Variants in PSMB1 observed in about 807,000 individuals in gnomAD.
PSMB1 encodes the protein proteasome 20S subunit beta 1.
PSMB1 carries 7 observed loss-of-function variants against 25.4 expected under a neutral mutation model. The observed-to-expected ratio is 0.28, with a 90% CI of 0.16 to 0.52. The LOEUF (loss-of-function observed/expected upper bound fraction) is 0.52, where lower values mean the gene tolerates loss of function less well. Among genes scored for constraint, PSMB1 ranks in the 20% least tolerant of loss-of-function variants. PSMB1 has a pLI of 0.97. For synonymous variants in PSMB1, 119 were observed against 115.0 expected, an observed-to-expected ratio of 1.03 and a Z score of -0.22; for missense variants, 284 against 302.2, an observed-to-expected ratio of 0.94 and a Z score of 0.45.
In PSMB1 at chr6:170,553,300, G is replaced by T; in HGVS notation, c.-58C>A. Reference sequence around the variant, plus strand: ...TGTCTCACGGCGAGATGGCTGCCTTGACCGGACGTTACGCCACTTCCGGCT... The same window carrying T: ...TGTCTCACGGCGAGATGGCTGCCTTTACCGGACGTTACGCCACTTCCGGCT... On this transcript the variant is annotated 5_prime_UTR_variant, in exon 1 of 6. Coordinates refer to ENST00000262193, the MANE Select transcript of PSMB1 (RefSeq NM_002793.4). The T allele has an allele frequency of 2.3e-6, 3 of 1,326,736 alleles. No homozygotes were observed. The highest frequency in any genetic ancestry group is 1.2e-5 in the South Asian group (1 of 80,698). 82.2% of individuals were successfully genotyped at this position (1,326,736 alleles called of 1,614,324 possible).
Position 170,546,204 on chromosome 6 carries a change from G to A in PSMB1, c.222-20C>T, listed in dbSNP as rs1290720063. On this transcript the variant is annotated intron_variant, in intron 2 of 5. Transcript: ENST00000262193. ...TCTGTTCTGTAAAAAGCACATTTCA[G>A]AAAACTGAGCTGGTTAGATAGTAGA... is the stretch of plus-strand genomic sequence containing the variant. The A allele has an allele frequency of 6.2e-7, 1 of 1,607,564 alleles. No individual in the cohort carries two copies. The highest frequency in any genetic ancestry group is 8.5e-7 in the Non-Finnish European group (1 of 1,174,940).
chr6:170,553,001 C>A, intron 1 of PSMB1, 129 bp downstream of exon 1: 1 of 720,622 alleles, frequency 1.4e-6, no homozygotes, highest in Non-Finnish European at 2.3e-6. Context: ...CTTGTGCGGA[C>A]CCCCTCAGCT....
chr6:170,552,215 C>A (rs1050587171), intron 1 of PSMB1, among the ~76,000 whole-genome samples: 2 of 152,306 alleles, frequency 1.3e-5, no homozygotes, highest in African/African-American at 4.8e-5. Context: ...CACTGCCCAG[C>A]CAATATTTTC....
At chr6:170,536,310 A>C (rs967216680) in intron 5 of PSMB1, 3 of 446,206 alleles carry the variant, frequency 6.7e-6, no homozygotes, top group African/African-American at 4.0e-5. Context: ...CATAAAATAC[A>C]CATAAACTGA....
chr6:170,543,789 C>A (rs1047079816), intron 3 of PSMB1, 59 bp from the exon 4 acceptor site: 3 of 1,475,508 alleles, frequency 2.0e-6, no homozygotes, highest in Non-Finnish European at 2.8e-6. Flanking sequence ...TAGACTAGAA[C>A]AATCAACAGT....
intron 1 of PSMB1, among the ~76,000 whole-genome samples, chr6:170,550,627 T>C (rs3778589): frequency 0.43 from 65,446 of 151,982 alleles, 14,658 homozygotes; most frequent in East Asian, 0.77. Context: ...GCTCTGACAA[T>C]AACATAGTAT....
chr6:170,546,228 G>C, intron 2 of PSMB1, 44 bp from the exon 3 acceptor site: 5 of 1,481,502 alleles, frequency 3.4e-6, no homozygotes, highest in Non-Finnish European at 4.7e-6. Flanking sequence ...TTAGATAGTA[G>C]AGCAAAACAT....
intron 5 of PSMB1, 66 bp from the exon 6 acceptor site, chr6:170,535,471 T>C: frequency 7.4e-7 from 1 of 1,347,786 alleles, no homozygotes. Flanking sequence ...GGTTCAAGTT[T>C]CTTCCAATAC....
chr6:170,548,965 T>C (rs760700034), intron 2 of PSMB1, 41 bp downstream of exon 2: 4 of 1,388,576 alleles, frequency 2.9e-6, no homozygotes, highest in Non-Finnish European at 4.1e-6. Flanking sequence ...ATCAAATCAT[T>C]ACAAAGGCAT....
At chr6:170,552,950 G>A (rs150121150) in intron 1 of PSMB1, among the ~76,000 whole-genome samples, 180 bp downstream of exon 1, 193 of 152,366 alleles carry the variant, frequency 1.3e-3, no homozygotes, top group South Asian at 2.3e-3. Flanking sequence ...CGAGCCTGAA[G>A]AGGGAAACAC....
At chr6:170,545,008 G>T (rs762138892) in intron 3 of PSMB1, among the ~76,000 whole-genome samples, 2 of 151,966 alleles carry the variant, frequency 1.3e-5, no homozygotes, top group Non-Finnish European at 2.9e-5. Context: ...GACAGGGGTG[G>T]TGACAGGTGC....
intron 4 of PSMB1, among the ~76,000 whole-genome samples, chr6:170,541,739 G>A (rs1279532091): frequency 6.6e-6 from 1 of 152,222 alleles, no homozygotes; most frequent in Non-Finnish European, 1.5e-5. Flanking sequence ...AGAGACACCT[G>A]AGGTTGTCAC....
intron 5 of PSMB1, among the ~76,000 whole-genome samples, chr6:170,535,807 C>T (rs1008446189): frequency 6.6e-6 from 1 of 152,142 alleles, no homozygotes; most frequent in Non-Finnish European, 1.5e-5. Context: ...CTGAAGAGCA[C>T]AGAACATTCC....
At chr6:170,538,994 A>G (rs905495146) in intron 4 of PSMB1, among the ~76,000 whole-genome samples, 1 of 152,260 alleles carries the variant, frequency 6.6e-6, no homozygotes, top group African/African-American at 2.4e-5. Flanking sequence ...ATTTAAAAAA[A>G]TAAACCAAAG....
Position 170,535,836 on chromosome 6 carries a change from G to A in PSMB1, c.541-431C>T, listed in dbSNP as rs76975591. On this transcript the variant is annotated intron_variant, in intron 5 of 5. Coordinates refer to ENST00000262193, the MANE Select transcript of PSMB1 (RefSeq NM_002793.4). Reference sequence around the variant, plus strand: ...ACATTCCAGACTGAAGATGTGGGACGGAGTTAGGAAAAGCACATCTTTTCT... The same window carrying A: ...ACATTCCAGACTGAAGATGTGGGACAGAGTTAGGAAAAGCACATCTTTTCT... Among the ~76,000 whole-genome samples, 316 of 152,276 alleles carry A rather than the reference G, an allele frequency of 2.1e-3. 6 individuals carry two copies. In the East Asian group the frequency reaches 0.037, roughly 18 times the overall value.
intron 2 of PSMB1, among the ~76,000 whole-genome samples, chr6:170,547,868 C>A (rs1778839825): frequency 7.8e-6 from 1 of 128,036 alleles, no homozygotes. Context: ...ATCTCTATAT[C>A]TGACGTGTTT....
intron 4 of PSMB1, among the ~76,000 whole-genome samples, chr6:170,541,201 AT>A (rs1478495510): frequency 3.3e-5 from 5 of 152,134 alleles, no homozygotes; most frequent in African/African-American, 1.2e-4. Flanking sequence ...GGGAAAAGGG[AT>A]CCACCTAGTA....
chr6:170,537,257 G>T lies in PSMB1; in HGVS notation c.517C>A (p.Leu173Ile). The T allele has an allele frequency of 6.2e-7, 1 of 1,614,060 alleles. No homozygotes were observed. The change falls in exon 5 of 6, where the codon CTA becomes ATA. Residue 173 changes from leucine to isoleucine, a missense_variant. Physicochemically the swap from Leu to Ile is conservative, Grantham distance 5. Coordinates refer to ENST00000262193, the MANE Select transcript of PSMB1 (RefSeq NM_002793.4). ...ACCTGGTTGTCAAGCAGGGGCTGTA[G>T]CATGGCACTTGCTGAGCCTCCAGCC... ...FKAGGSASAM[L>I]QPLLDNQVGF...
chr6:170,540,858 C>T (rs1268901711), intron 4 of PSMB1, among the ~76,000 whole-genome samples: 2 of 151,566 alleles, frequency 1.3e-5, no homozygotes, highest in African/African-American at 4.8e-5. Context: ...AAAAGACAGA[C>T]ATGGATAACA....
Sources: gnomAD v4.1 joint callset for allele counts (sites outside exome capture counted in the v4.1 genomes callset) on GRCh38, gnomAD v4.1.1 for gene constraint, MANE v1.5 for transcripts, NCBI Gene and HGNC (gene_info 2026-07-23, HGNC 2026-07-21) for gene names.